Variants in LHFPL4 observed in about 807,000 individuals in gnomAD.
LHFPL4 encodes the protein LHFPL tetraspan subfamily member 4.
In LHFPL4, 6 loss-of-function variants were observed where a neutral mutation model predicts 20.0. The observed-to-expected ratio is 0.30, with a 90% CI of 0.16 to 0.59. The LOEUF is 0.59. LHFPL4 is among the 20% of genes least tolerant of loss of function. LHFPL4 has a pLI of 0.88. For synonymous variants in LHFPL4, 129 were observed against 143.8 expected, an observed-to-expected ratio of 0.90 and a Z score of 0.74; for missense variants, 215 against 331.2, an observed-to-expected ratio of 0.65 and a Z score of 2.72.
intron 2 of LHFPL4, among the ~76,000 whole-genome samples, chr3:9,539,403 C>T (rs1158579036): frequency 2.1e-5 from 3 of 145,642 alleles, no homozygotes; most frequent in East Asian, 4.0e-4. Flanking sequence ...TGCAATGAGC[C>T]GAGATTGCAC....
chr3:9,546,040 G>A (rs1006459859), intron 2 of LHFPL4, among the ~76,000 whole-genome samples: 1 of 152,102 alleles, frequency 6.6e-6, no homozygotes, highest in Admixed American at 6.6e-5. Context: ...TGGGCCAGGT[G>A]CAGTGGCTCA....
In LHFPL4 at chr3:9,529,303, A is replaced by C. The variant is rs563118303; in HGVS notation, c.406+22971T>G. On this transcript the variant is annotated intron_variant, in intron 2 of 3. Transcript: ENST00000287585. ...TGGCCTCCCAAAGTGCTGGGATTAC[A>C]GATGCGAGCCACCGCGCCCGGCCAT... 5.3e-5 allele frequency among the ~76,000 whole-genome samples: 8 copies of C among 152,336 alleles called. No homozygotes were observed. The East Asian group carries it at 1.3e-3, about 26-fold the overall frequency.
chr3:9,540,032 G>C (rs2046467839), intron 2 of LHFPL4, among the ~76,000 whole-genome samples: 1 of 152,108 alleles, frequency 6.6e-6, no homozygotes. Flanking sequence ...GTCTGTGAAG[G>C]ACACTGTTGA....
rs550496011 is a variant in LHFPL4, at chr3:9,509,788, T to C, written c.407-3585A>G. On this transcript the variant is annotated intron_variant, in intron 2 of 3. Transcript: ENST00000287585. ...GGGTTCCTTGCACCTAGGGGAAAGA[T>C]AGAAAGGGACCAGTAGAGATAGCCT... Among the ~76,000 whole-genome samples, 87 of 152,252 alleles carry C rather than the reference T, an allele frequency of 5.7e-4. 2 individuals carry two copies. The highest frequency in any genetic ancestry group is 6.8e-3 in the Middle Eastern group (2 of 294).
intron 2 of LHFPL4, among the ~76,000 whole-genome samples, chr3:9,538,860 G>A (rs2542392): frequency 0.041 from 6,297 of 151,914 alleles, 161 homozygotes; most frequent in Non-Finnish European, 0.06. Context: ...CACCACGCCC[G>A]GCTAATTTTT....
chr3:9,515,720 C>CTTTTTTTTTTTTT (rs373869436), intron 2 of LHFPL4, among the ~76,000 whole-genome samples: 1 of 143,192 alleles, frequency 7.0e-6, no homozygotes, highest in Non-Finnish European at 1.5e-5. Flanking sequence ...TCAGATATGT[C>CTTTTTTTTTTTTT]TTTTTTTTTT....
chr3:9,535,737 A>T (rs556270849), intron 2 of LHFPL4, among the ~76,000 whole-genome samples: 5 of 152,170 alleles, frequency 3.3e-5, no homozygotes, highest in Non-Finnish European at 7.4e-5. Context: ...CCAGTGAATG[A>T]TTTCTGTCCA....
chr3:9,537,638 TCTC>T (rs1322933641), intron 2 of LHFPL4, among the ~76,000 whole-genome samples: 2 of 152,092 alleles, frequency 1.3e-5, no homozygotes, highest in Admixed American at 6.6e-5. Flanking sequence ...AAGTCCACCT[TCTC>T]CTGCAGACAT....
At chr3:9,523,745 G>A (rs2046355723) in intron 2 of LHFPL4, among the ~76,000 whole-genome samples, 1 of 152,048 alleles carries the variant, frequency 6.6e-6, no homozygotes, top group South Asian at 2.1e-4. Flanking sequence ...AGTGAGAAAA[G>A]TTTTTATTTT....
At chr3:9,538,780 C>T (rs1275211400) in intron 2 of LHFPL4, among the ~76,000 whole-genome samples, 1 of 151,690 alleles carries the variant, frequency 6.6e-6, no homozygotes, top group Non-Finnish European at 1.5e-5. Context: ...CTCACTGCAA[C>T]CTCCGCCTCC....
intron 2 of LHFPL4, among the ~76,000 whole-genome samples, chr3:9,529,791 C>A (rs2046397951): frequency 6.6e-6 from 1 of 151,952 alleles, no homozygotes; most frequent in African/African-American, 2.4e-5. Context: ...TGCCACCACA[C>A]CTGGCTAATT....
intron 2 of LHFPL4, among the ~76,000 whole-genome samples, chr3:9,513,107 C>T (rs1027024289): frequency 2.9e-5 from 4 of 139,702 alleles, no homozygotes; most frequent in African/African-American, 1.0e-4. Flanking sequence ...TTACAGGCGC[C>T]CGCCACTACT....
At position 9,552,558 on chromosome 3, in the gene LHFPL4, A is replaced by G; in HGVS notation, c.122T>C (p.Phe41Ser). 6.2e-7 allele frequency: 1 copy of G among 1,614,004 alleles called. No individual in the cohort carries two copies. The highest frequency in any genetic ancestry group is 8.5e-7 in the Non-Finnish European group (1 of 1,179,974). The change falls in exon 2 of 4, where the codon TTC becomes TCC. Residue 41 changes from phenylalanine to serine, a missense_variant. Physicochemically the swap from Phe to Ser is radical, Grantham distance 155 (BLOSUM62 -2). Around this residue, in one of 2 missense-constraint regions of LHFPL4, gnomAD observed 164 missense variants for 286.7 expected, o/e 0.57. Transcript: ENST00000287585. ...ICFAIINVVV[F>S]IQPYWVGDSV... ...GTCGCCCACCCAGTAGGGCTGGATG[A>G]AGACCACCACGTTGATGATGGCGAA... is the stretch of plus-strand genomic sequence containing the variant.
chr3:9,513,087 G>C (rs2046271738), intron 2 of LHFPL4, among the ~76,000 whole-genome samples: 1 of 151,742 alleles, frequency 6.6e-6, no homozygotes, highest in Admixed American at 6.6e-5. Flanking sequence ...AGCCTCCCGA[G>C]TAGCTGGGAT....
At chr3:9,550,545 C>T (rs1247394625) in intron 2 of LHFPL4, 1 of 152,158 alleles carries the variant, frequency 6.6e-6, no homozygotes, top group Non-Finnish European at 1.5e-5. Context: ...GACAATTCAT[C>T]AAATCCCCAG....
chr3:9,523,295 C>T (rs1254141014), intron 2 of LHFPL4, among the ~76,000 whole-genome samples: 6 of 146,688 alleles, frequency 4.1e-5, no homozygotes, highest in Middle Eastern at 3.8e-3. Context: ...GCAGGAGAAT[C>T]GCTTGAACCT....
At chr3:9,509,257 C>G (rs1452864997) in intron 2 of LHFPL4, among the ~76,000 whole-genome samples, 1 of 137,228 alleles carries the variant, frequency 7.3e-6, no homozygotes, top group Non-Finnish European at 1.5e-5. Flanking sequence ...CTCTCTCTCT[C>G]TCTGGCTTGT....
intron 3 of LHFPL4, 136 bp downstream of exon 3, chr3:9,505,831 T>G (rs1559514008): frequency 1.2e-6 from 1 of 826,046 alleles, no homozygotes; most frequent in Non-Finnish European, 2.0e-6. Context: ...AGTGCTGGGA[T>G]TATAGGCGTG....
At chr3:9,544,785 T>G (rs546447816) in intron 2 of LHFPL4, among the ~76,000 whole-genome samples, 7 of 152,248 alleles carry the variant, frequency 4.6e-5, no homozygotes, top group African/African-American at 1.2e-4. Flanking sequence ...TATTCCCACC[T>G]CCATGCCTGT....
Sources: gnomAD v4.1 joint callset for allele counts (sites outside exome capture counted in the v4.1 genomes callset) on GRCh38, gnomAD v4.1.1 for gene constraint, gnomAD v4.1.1 regional missense constraint, MANE v1.5 for transcripts, NCBI Gene and HGNC (gene_info 2026-07-23, HGNC 2026-07-21) for gene names.